The following SLF1 variants were observed in gnomAD, a reference collection of about 807,000 sequenced individuals.
SLF1 encodes SMC5-SMC6 complex localization factor protein 1.
In SLF1, 105 loss-of-function variants were observed where a neutral mutation model predicts 123.0. That is an observed-to-expected ratio of 0.85 (90% CI 0.73 to 1.00). SLF1 has a LOEUF of 1.00. SLF1 is among the 50% of genes least tolerant of loss of function. The pLI is 0.00. For missense variants in SLF1, 1,239 were observed against 1,223.0 expected, an observed-to-expected ratio of 1.01 and a Z score of -0.20; for synonymous variants, 434 against 406.6, an observed-to-expected ratio of 1.07 and a Z score of -0.81.
intron 14 of SLF1, among the ~76,000 whole-genome samples, chr5:94,677,626 T>C (rs925918452): frequency 1.3e-4 from 20 of 152,172 alleles, no homozygotes; most frequent in Admixed American, 2.6e-4. Context: ...CAACTATTAA[T>C]TTAGTGATTT....
At chr5:94,662,907 T>C (rs1475608597) in intron 10 of SLF1, among the ~76,000 whole-genome samples, 1 of 152,202 alleles carries the variant, frequency 6.6e-6, no homozygotes, top group East Asian at 1.9e-4. Flanking sequence ...TAGTTACTTT[T>C]ATTATTAAGA....
intron 9 of SLF1, among the ~76,000 whole-genome samples, chr5:94,656,071 G>A (rs1450583880): frequency 2.0e-5 from 3 of 151,956 alleles, no homozygotes; most frequent in Non-Finnish European, 4.4e-5. Flanking sequence ...TTCACATAAG[G>A]TAGCTATAGG....
At chr5:94,664,835 T>A (rs556056647) in intron 11 of SLF1, among the ~76,000 whole-genome samples, 54 of 152,332 alleles carry the variant, frequency 3.5e-4, no homozygotes, top group African/African-American at 1.2e-3. Context: ...AGGACCTTTG[T>A]GGATACTGAA....
chr5:94,637,306 T>C (rs1373134746), intron 4 of SLF1, among the ~76,000 whole-genome samples: 1 of 152,160 alleles, frequency 6.6e-6, no homozygotes, highest in African/African-American at 2.4e-5. Context: ...TGCTTTCTGT[T>C]ACTCTGTATG....
chr5:94,675,539 A>G (rs17083896), intron 14 of SLF1, among the ~76,000 whole-genome samples: 22,571 of 152,142 alleles, frequency 0.15, 1,881 homozygotes, highest in East Asian at 0.32. Context: ...GGCAGTGAGT[A>G]TAGTCCATAG....
Position 94,695,329 on chromosome 5 carries a change from G to C in SLF1, c.*17G>C. Reference sequence around the variant, plus strand: ...TTTTCATGATGATGCTAGAAAGTATGGATTGACTTTCTAAATCTGTTCAGT... The same window carrying C: ...TTTTCATGATGATGCTAGAAAGTATCGATTGACTTTCTAAATCTGTTCAGT... On this transcript the variant is annotated 3_prime_UTR_variant, in exon 21 of 21. Coordinates refer to ENST00000265140, the MANE Select transcript of SLF1 (RefSeq NM_032290.4). 1 of 1,585,494 alleles carries C rather than the reference G, an allele frequency of 6.3e-7. No homozygotes were observed. The highest frequency in any genetic ancestry group is 1.2e-5 in the South Asian group (1 of 86,176).
At chr5:94,689,348 A>C (rs534117030) in intron 17 of SLF1, 125 bp from the exon 18 acceptor site, 1 of 957,958 alleles carries the variant, frequency 1.0e-6, no homozygotes, top group African/African-American at 1.7e-5. Flanking sequence ...AGAAAGCAGT[A>C]AAGATTGAAT....
chr5:94,688,740 C>T (rs1585239729), intron 17 of SLF1, 71 bp downstream of exon 17: 2 of 1,523,124 alleles, frequency 1.3e-6, no homozygotes. Context: ...ATTTCTTGAA[C>T]TTAATGGTTA....
intron 14 of SLF1, among the ~76,000 whole-genome samples, chr5:94,677,080 T>G (rs1751154246): frequency 6.6e-6 from 1 of 152,194 alleles, no homozygotes; most frequent in African/African-American, 2.4e-5. Context: ...TTCCGTAATA[T>G]ATAACATAAT....
intron 5 of SLF1, among the ~76,000 whole-genome samples, chr5:94,645,993 G>A (rs920670116): frequency 9.9e-5 from 15 of 152,206 alleles, no homozygotes; most frequent in African/African-American, 3.6e-4. Flanking sequence ...TGGTGGTTCT[G>A]TAATCCAAGC....
intron 12 of SLF1, among the ~76,000 whole-genome samples, chr5:94,666,493 C>T (rs1167921128): frequency 1.3e-5 from 2 of 152,212 alleles, no homozygotes; most frequent in African/African-American, 4.8e-5. Context: ...TGCTTCTGCA[C>T]ATGCTGTCAC....
chr5:94,656,090 G>A (rs1309361353), intron 9 of SLF1, among the ~76,000 whole-genome samples: 2 of 151,996 alleles, frequency 1.3e-5, no homozygotes. Flanking sequence ...GGTTTGTCAT[G>A]TATGACCTTT....
intron 9 of SLF1, among the ~76,000 whole-genome samples, chr5:94,657,336 G>A (rs1463748261): frequency 2.0e-5 from 3 of 151,726 alleles, no homozygotes; most frequent in African/African-American, 4.8e-5. Context: ...TTTTATTTAC[G>A]TGTATTTGTA....
intron 1 of SLF1, among the ~76,000 whole-genome samples, chr5:94,627,729 A>C (rs1433574973): frequency 6.6e-6 from 1 of 150,756 alleles, no homozygotes; most frequent in Non-Finnish European, 1.5e-5. Flanking sequence ...AGTAACGTAT[A>C]CATATTTAAT....
chr5:94,646,299 CTTATACT>C (rs1747047206), intron 5 of SLF1, among the ~76,000 whole-genome samples: 1 of 152,072 alleles, frequency 6.6e-6, no homozygotes, highest in East Asian at 1.9e-4. Context: ...GTTTAACCCT[CTTATACT>C]TTTTGAAAAG....
intron 1 of SLF1, among the ~76,000 whole-genome samples, chr5:94,627,395 G>A (rs1439717276): frequency 6.6e-6 from 1 of 151,824 alleles, no homozygotes; most frequent in Non-Finnish European, 1.5e-5. Context: ...TCAACTTCAT[G>A]TAAACAAACA....
rs868528273 is a variant in SLF1, at chr5:94,689,519, AAG to A, written c.2334_2335del (p.Lys779ValfsTer17). 2 of 1,612,562 alleles carry A rather than the reference AAG, an allele frequency of 1.2e-6. No individual in the cohort carries two copies. The highest frequency in any genetic ancestry group is 1.7e-6 in the Non-Finnish European group (2 of 1,178,932). On this transcript the variant is annotated frameshift_variant, in exon 18 of 21. Coordinates refer to ENST00000265140, the MANE Select transcript of SLF1 (RefSeq NM_032290.4). LOFTEE classifies it high-confidence loss of function. ...KCSSSLKKLK[K>X]KSEGELSCSK... is the part of the protein sequence containing the mutation. ...TTCCTCATCATTAAAAAAATTGAAA[AAG>A]AAGTCAGAAGGAGAATTGTCATGTT...
chr5:94,636,068 A>G (rs1276338655), intron 4 of SLF1, among the ~76,000 whole-genome samples: 1 of 152,154 alleles, frequency 6.6e-6, no homozygotes, highest in East Asian at 1.9e-4. Context: ...TAAGTAAGGT[A>G]TTGGCAGTTT....
chr5:94,666,833 T>C (rs1055531045), intron 12 of SLF1, among the ~76,000 whole-genome samples: 2 of 152,070 alleles, frequency 1.3e-5, no homozygotes, highest in African/African-American at 4.8e-5. Context: ...TTAGTAGAGA[T>C]GGGCTTTTAC....
Sources: gnomAD v4.1 joint callset for allele counts (sites outside exome capture counted in the v4.1 genomes callset) on GRCh38, gnomAD v4.1.1 for gene constraint, MANE v1.5 for transcripts, NCBI Gene and HGNC (gene_info 2026-07-23, HGNC 2026-07-21) for gene names.